The following MTF2 variants were observed in gnomAD, a reference collection of about 807,000 sequenced individuals.
MTF2 encodes metal response element binding transcription factor 2, also known as metal-response element-binding transcription factor 2.
A neutral mutation model predicts 79.5 loss-of-function variants in MTF2; 11 were observed. The ratio of observed to expected loss-of-function variants is 0.14; its 90% CI spans 0.09 to 0.23. The LOEUF is 0.23. MTF2 is among the 10% of genes least tolerant of loss of function. The pLI is 1.00. For synonymous variants in MTF2, 208 were observed against 232.8 expected, an observed-to-expected ratio of 0.89 and a Z score of 0.97; for missense variants, 486 against 711.2, an observed-to-expected ratio of 0.68 and a Z score of 3.60.
At chr1:93,092,961 T>C (rs1655132556) in intron 1 of MTF2, among the ~76,000 whole-genome samples, 1 of 152,068 alleles carries the variant, frequency 6.6e-6, no homozygotes, top group Admixed American at 6.6e-5. Flanking sequence ...GGCGGGCAAA[T>C]CACGAGGTTA....
intron 10 of MTF2, among the ~76,000 whole-genome samples, chr1:93,128,134 G>C (rs1430766977): frequency 6.6e-6 from 1 of 152,178 alleles, no homozygotes; most frequent in Non-Finnish European, 1.5e-5. Context: ...TAAGGTACCT[G>C]AGCAGTTATT....
chr1:93,080,077 T>G lies in MTF2; in HGVS notation c.5+546T>G, dbSNP rs540347321. Among the ~76,000 whole-genome samples the G allele has an allele frequency of 5.3e-5, 8 of 151,854 alleles. No individual in the cohort carries two copies. The South Asian group carries it at 1.7e-3, about 32-fold the overall frequency. ...TAAGGATAAGGGGAACACACTGAAG[T>G]GGAGGTTGGAAGCACAACCTGAAAG... On this transcript the variant is annotated intron_variant, in intron 1 of 14. Coordinates refer to ENST00000370298, the MANE Select transcript of MTF2 (RefSeq NM_007358.4).
intron 1 of MTF2, among the ~76,000 whole-genome samples, chr1:93,105,112 C>G (rs1271474364): frequency 7.3e-6 from 1 of 136,414 alleles, no homozygotes; most frequent in Non-Finnish European, 1.5e-5. Context: ...CCACTGCACT[C>G]CAGCCTGGGT....
intron 1 of MTF2, among the ~76,000 whole-genome samples, chr1:93,109,881 T>C (rs1655960672): frequency 6.6e-6 from 1 of 152,236 alleles, no homozygotes; most frequent in Non-Finnish European, 1.5e-5. Flanking sequence ...TTTTATTCTT[T>C]ACCTAAACCC....
intron 1 of MTF2, among the ~76,000 whole-genome samples, chr1:93,100,497 G>A (rs1487744120): frequency 6.6e-6 from 1 of 152,110 alleles, no homozygotes; most frequent in Non-Finnish European, 1.5e-5. Context: ...AGTAGAGACG[G>A]AGTTTCACTG....
chr1:93,104,005 C>G (rs182469033), intron 1 of MTF2, among the ~76,000 whole-genome samples: 8 of 151,992 alleles, frequency 5.3e-5, no homozygotes, highest in African/African-American at 1.9e-4. Context: ...GTGGTGAAGT[C>G]ATGGCTCACT....
At chr1:93,131,964 A>G (rs1017517755) in intron 11 of MTF2, among the ~76,000 whole-genome samples, 2 of 152,174 alleles carry the variant, frequency 1.3e-5, no homozygotes, top group South Asian at 2.1e-4. Context: ...TCGATGAAAT[A>G]TAAGGTAAAG....
At chr1:93,083,813 A>G (rs575883199) in intron 1 of MTF2, among the ~76,000 whole-genome samples, 2 of 152,262 alleles carry the variant, frequency 1.3e-5, no homozygotes, top group East Asian at 1.9e-4. Flanking sequence ...TTTGCATTTC[A>G]CTTATGGCTA....
chr1:93,124,787 T>A (rs183059212), intron 9 of MTF2, among the ~76,000 whole-genome samples: 97 of 151,964 alleles, frequency 6.4e-4, no homozygotes, highest in African/African-American at 2.1e-3. Flanking sequence ...AGAGTTATAC[T>A]GTAAGTATTA....
chr1:93,095,933 C>T lies in MTF2; in HGVS notation c.6-14297C>T, dbSNP rs148851653. 1.3e-3 allele frequency among the ~76,000 whole-genome samples: 200 copies of T among 152,212 alleles called. 2 individuals are homozygous for T. The highest frequency in any genetic ancestry group is 4.6e-3 in the African/African-American group (191 of 41,530). On this transcript the variant is annotated intron_variant, in intron 1 of 14. Transcript: ENST00000370298. Reference sequence around the variant, plus strand: ...CCTCCCAAAGTGCTGGGATTGCAGGCGTGAGCCCCTGCACCCGGTCTATTT... The same window carrying T: ...CCTCCCAAAGTGCTGGGATTGCAGGTGTGAGCCCCTGCACCCGGTCTATTT...
intron 14 of MTF2, 140 bp downstream of exon 14, chr1:93,134,335 G>A (rs1043953233): frequency 1.4e-5 from 9 of 626,578 alleles, no homozygotes; most frequent in Non-Finnish European, 2.5e-5. Flanking sequence ...TAATCCATAT[G>A]TAGATCCCAA....
chr1:93,118,036 G>A (rs971027183), intron 6 of MTF2, among the ~76,000 whole-genome samples: 3 of 152,042 alleles, frequency 2.0e-5, no homozygotes, highest in African/African-American at 7.2e-5. Context: ...AAAAAAAATA[G>A]CCTAGGCTTG....
At chr1:93,093,514 C>T (rs519319) in intron 1 of MTF2, among the ~76,000 whole-genome samples, 121,940 of 152,016 alleles carry the variant, frequency 0.8, 51,634 homozygotes, top group East Asian at 0.93. Flanking sequence ...TCCTTTACCA[C>T]CATCCTGGGA....
chr1:93,109,720 C>T (rs1436209931), intron 1 of MTF2, among the ~76,000 whole-genome samples: 11 of 152,060 alleles, frequency 7.2e-5, no homozygotes, highest in Admixed American at 6.6e-4. Context: ...CATATTTGCT[C>T]AATTCAGTGG....
At chr1:93,103,302 A>C (rs535310827) in intron 1 of MTF2, among the ~76,000 whole-genome samples, 1 of 151,610 alleles carries the variant, frequency 6.6e-6, no homozygotes, top group African/African-American at 2.4e-5. Flanking sequence ...GGGAATGTAG[A>C]AGAATGAAGT....
At chr1:93,115,764 TAAA>T in intron 6 of MTF2, 146 bp downstream of exon 6, 1 of 556,114 alleles carries the variant, frequency 1.8e-6, no homozygotes. Flanking sequence ...ATTATTTTCA[TAAA>T]AAAATAATTT....
intron 11 of MTF2, among the ~76,000 whole-genome samples, chr1:93,132,753 C>G (rs567673622): frequency 7.2e-5 from 11 of 152,124 alleles, no homozygotes; most frequent in South Asian, 4.1e-4. Context: ...TCATCTCTTT[C>G]TAGGCTATTG....
intron 1 of MTF2, among the ~76,000 whole-genome samples, chr1:93,086,967 CA>C (rs1654865829): frequency 6.6e-6 from 1 of 152,104 alleles, no homozygotes; most frequent in Non-Finnish European, 1.5e-5. Flanking sequence ...AGTTTAAACA[CA>C]AAATTCATTT....
intron 1 of MTF2, among the ~76,000 whole-genome samples, chr1:93,086,365 G>A (rs563447184): frequency 9.8e-4 from 149 of 152,112 alleles, no homozygotes; most frequent in African/African-American, 3.5e-3. Flanking sequence ...ATTTAGCCAG[G>A]TGTGGTGGCA....
Sources: gnomAD v4.1 joint callset for allele counts (sites outside exome capture counted in the v4.1 genomes callset) on GRCh38, gnomAD v4.1.1 for gene constraint, MANE v1.5 for transcripts, NCBI Gene and HGNC (gene_info 2026-07-23, HGNC 2026-07-21) for gene names.